Variants in BRAF observed in about 807,000 individuals in gnomAD.
The protein encoded by BRAF is B-Raf proto-oncogene, serine/threonine kinase.
A neutral mutation model predicts 104.6 loss-of-function variants in BRAF; 16 were observed. That is an observed-to-expected ratio of 0.15 (90% CI 0.10 to 0.23). BRAF has a LOEUF of 0.23. BRAF is among the 10% of genes least tolerant of loss of function. The pLI, the probability that BRAF is intolerant of heterozygous loss-of-function variation, is 1.00. For missense variants in BRAF, 541 were observed against 937.3 expected, an observed-to-expected ratio of 0.58 and a Z score of 5.52; for synonymous variants, 310 against 341.6, an observed-to-expected ratio of 0.91 and a Z score of 1.02.
intron 4 of BRAF, chr7:140,808,272 G>T (rs1364370489): frequency 1.7e-6 from 1 of 600,732 alleles, no homozygotes; most frequent in Admixed American, 2.2e-5. Context: ...CAAACAGCAG[G>T]GTAAAGAGAT....
intron 1 of BRAF, among the ~76,000 whole-genome samples, chr7:140,867,009 C>T (rs1298108053): frequency 6.6e-6 from 1 of 152,124 alleles, no homozygotes; most frequent in Non-Finnish European, 1.5e-5. Flanking sequence ...TTTGCAACTT[C>T]TCCATAATAT....
chr7:140,755,386 C>A (rs886679182), intron 14 of BRAF, among the ~76,000 whole-genome samples: 2 of 152,118 alleles, frequency 1.3e-5, no homozygotes, highest in African/African-American at 4.8e-5. Flanking sequence ...CAAAATCATG[C>A]AATAAACACT....
At chr7:140,786,582 T>C (rs957600548) in intron 9 of BRAF, among the ~76,000 whole-genome samples, 3 of 152,222 alleles carry the variant, frequency 2.0e-5, no homozygotes, top group Non-Finnish European at 4.4e-5. Flanking sequence ...CTAGAGTGAA[T>C]ACTAGATGAA....
intron 1 of BRAF, among the ~76,000 whole-genome samples, chr7:140,903,006 C>T (rs984520612): frequency 6.0e-5 from 9 of 149,800 alleles, no homozygotes; most frequent in Non-Finnish European, 8.8e-5. Context: ...CTCACCGCAA[C>T]CTCTGCCTCC....
At chr7:140,860,562 G>C (rs1480644566) in intron 1 of BRAF, among the ~76,000 whole-genome samples, 6 of 151,820 alleles carry the variant, frequency 4.0e-5, no homozygotes, top group Non-Finnish European at 8.8e-5. Flanking sequence ...GAGGTGGGAG[G>C]ATTGCCTGAG....
intron 3 of BRAF, among the ~76,000 whole-genome samples, chr7:140,815,817 T>A (rs1804821505): frequency 6.6e-6 from 1 of 152,146 alleles, no homozygotes. Context: ...AAAAGGAGGA[T>A]GTCTATACCA....
intron 17 of BRAF, among the ~76,000 whole-genome samples, chr7:140,745,195 T>C (rs1797252731): frequency 6.6e-6 from 1 of 152,172 alleles, no homozygotes. Context: ...AATATAGTAG[T>C]CTTATTTTAA....
At chr7:140,771,296 A>T (rs773534224) in intron 14 of BRAF, among the ~76,000 whole-genome samples, 4 of 152,156 alleles carry the variant, frequency 2.6e-5, no homozygotes, top group Non-Finnish European at 5.9e-5. Context: ...CCTGGGCTCA[A>T]GTGATCCTCC....
At chr7:140,830,659 T>C (rs1435569206) in intron 3 of BRAF, among the ~76,000 whole-genome samples, 2 of 152,026 alleles carry the variant, frequency 1.3e-5, no homozygotes, top group African/African-American at 4.8e-5. Flanking sequence ...CTCTGAGAAG[T>C]GGGGAGGTCG....
At chr7:140,750,853 T>C (rs551637325) in intron 16 of BRAF, among the ~76,000 whole-genome samples, 3 of 152,330 alleles carry the variant, frequency 2.0e-5, no homozygotes, top group African/African-American at 4.8e-5. Flanking sequence ...AAAAGTTGCA[T>C]GTCACCTATT....
At chr7:140,716,348 A>C (rs1408955268), downstream of BRAF, among the ~76,000 whole-genome samples, 1 of 152,210 alleles carries the variant, frequency 6.6e-6, no homozygotes, top group East Asian at 1.9e-4. Flanking sequence ...TGTAGAATGG[A>C]TTAAAAAGGT....
intron 17 of BRAF, among the ~76,000 whole-genome samples, chr7:140,742,488 C>T (rs1797009712): frequency 6.6e-6 from 1 of 152,152 alleles, no homozygotes; most frequent in Admixed American, 6.5e-5. Context: ...ACCACCACGC[C>T]CAGCCAACAT....
chr7:140,906,290 C>A (rs1816325826), intron 1 of BRAF, among the ~76,000 whole-genome samples: 1 of 152,024 alleles, frequency 6.6e-6, no homozygotes, highest in African/African-American at 2.4e-5. Flanking sequence ...CAGCCTCAAC[C>A]TCCTGGGCTC....
intron 8 of BRAF, among the ~76,000 whole-genome samples, chr7:140,790,504 G>A (rs150837530): frequency 4.6e-5 from 7 of 152,024 alleles, no homozygotes. Flanking sequence ...ATAACTATTT[G>A]CATATTAATA....
intron 1 of BRAF, among the ~76,000 whole-genome samples, chr7:140,878,069 A>G (rs942696554): frequency 2.6e-5 from 4 of 152,156 alleles, no homozygotes; most frequent in Admixed American, 1.3e-4. Flanking sequence ...TACAAAAAAG[A>G]AAATTATACA....
At position 140,720,138 on chromosome 7, in the gene BRAF, T is replaced by C; in HGVS notation, c.*6356A>G. ...TGATGAATGATCAAATTCAATCCCC[T>C]GATCAGTTGTATGATCCTATCTTAG... is the stretch of plus-strand genomic sequence containing the variant. On this transcript the variant is annotated 3_prime_UTR_variant, in exon 20 of 20. Coordinates refer to ENST00000644969, the MANE Select transcript of BRAF (RefSeq NM_001374258.1). 1 of 1,061,286 alleles carries C rather than the reference T, an allele frequency of 9.4e-7. No homozygotes were observed. Among genetic ancestry groups the C allele is most frequent in the East Asian group, 5.1e-5 (1 of 19,508 alleles). 65.7% of individuals were successfully genotyped at this position (1,061,286 alleles called of 1,614,324 possible).
intron 1 of BRAF, among the ~76,000 whole-genome samples, chr7:140,868,641 T>C (rs916234343): frequency 2.6e-5 from 4 of 152,128 alleles, no homozygotes; most frequent in African/African-American, 9.7e-5. Flanking sequence ...CATTCTAAAA[T>C]TAAATTTGGT....
chr7:140,839,651 G>A (rs903602095), intron 2 of BRAF, among the ~76,000 whole-genome samples: 1 of 152,138 alleles, frequency 6.6e-6, no homozygotes, highest in Non-Finnish European at 1.5e-5. Flanking sequence ...GATCGCCTGA[G>A]CCCAGGAGGT....
intron 1 of BRAF, among the ~76,000 whole-genome samples, chr7:140,907,897 A>C (rs998266754): frequency 6.6e-6 from 1 of 152,068 alleles, no homozygotes; most frequent in Non-Finnish European, 1.5e-5. Flanking sequence ...GGTGCACCTC[A>C]CCACACGTGG....
Sources: allele counts gnomAD v4.1 joint callset (sites outside exome capture counted in the v4.1 genomes callset), GRCh38; gene constraint gnomAD v4.1.1; transcripts MANE v1.5; gene names NCBI Gene and HGNC (gene_info 2026-07-23, HGNC 2026-07-21).